The following AFAP1 variants were observed in gnomAD, a reference collection of about 807,000 sequenced individuals.
AFAP1 encodes actin filament associated protein 1, also known as actin filament-associated protein 1.
In AFAP1, 75 loss-of-function variants were observed where a neutral mutation model predicts 93.9. The ratio of observed to expected loss-of-function variants is 0.80; its 90% CI spans 0.66 to 0.97. The LOEUF is 0.97. Among genes scored for constraint, AFAP1 ranks in the 50% least tolerant of loss-of-function variants. AFAP1 has a pLI of 0.00. For missense variants in AFAP1, 1,201 were observed against 1,050.8 expected (o/e 1.14, Z -1.98); for synonymous variants, 517 against 430.7 (o/e 1.20, Z -2.48).
At chr4:7,890,493 C>T (rs1718405506) in intron 1 of AFAP1, among the ~76,000 whole-genome samples, 1 of 151,982 alleles carries the variant, frequency 6.6e-6, no homozygotes, top group Admixed American at 6.5e-5. Context: ...AGCAGAAGTA[C>T]TAATATATAA....
At chr4:7,933,683 T>A (rs1470383460) in intron 1 of AFAP1, among the ~76,000 whole-genome samples, 1 of 152,236 alleles carries the variant, frequency 6.6e-6, no homozygotes, top group African/African-American at 2.4e-5. Flanking sequence ...AGTCCTGAGC[T>A]GATGGGACCA....
chr4:7,826,045 G>T (rs927680841), intron 6 of AFAP1, among the ~76,000 whole-genome samples: 1 of 151,992 alleles, frequency 6.6e-6, no homozygotes, highest in Non-Finnish European at 1.5e-5. Context: ...AAAAGTGAAG[G>T]CTCCTTTGCA....
chr4:7,936,824 G>A (rs1161116322), intron 1 of AFAP1, among the ~76,000 whole-genome samples: 1 of 151,964 alleles, frequency 6.6e-6, no homozygotes, highest in Admixed American at 6.6e-5. Context: ...CTCGTGATCT[G>A]CCTGCCTCGG....
intron 1 of AFAP1, among the ~76,000 whole-genome samples, chr4:7,884,600 T>C (rs1394325314): frequency 6.6e-6 from 1 of 152,128 alleles, no homozygotes; most frequent in East Asian, 1.9e-4. Flanking sequence ...ATTGTCACCT[T>C]AATAACTGGG....
chr4:7,847,037 T>C (rs184767992), intron 4 of AFAP1, among the ~76,000 whole-genome samples: 95 of 152,350 alleles, frequency 6.2e-4, no homozygotes, highest in African/African-American at 1.9e-3. Context: ...CTTGCCTTCT[T>C]CTAAGAGTGT....
intron 1 of AFAP1, among the ~76,000 whole-genome samples, chr4:7,919,431 T>C (rs915006097): frequency 2.6e-5 from 4 of 152,174 alleles, no homozygotes; most frequent in Admixed American, 2.0e-4. Flanking sequence ...TTTATATGGC[T>C]GAATGGAACC....
chr4:7,825,374 C>T (rs1157899547), intron 6 of AFAP1, among the ~76,000 whole-genome samples: 1 of 152,120 alleles, frequency 6.6e-6, no homozygotes, highest in Non-Finnish European at 1.5e-5. Flanking sequence ...GTCACCAAGA[C>T]GTGGCCTTTA....
chr4:7,811,286 T>A (rs1298528981), intron 8 of AFAP1, among the ~76,000 whole-genome samples: 2 of 152,032 alleles, frequency 1.3e-5, no homozygotes, highest in East Asian at 3.9e-4. Context: ...CTTCAGAAGG[T>A]GATGAGAGTC....
At chr4:7,845,746 C>T (rs1406445837) in intron 4 of AFAP1, among the ~76,000 whole-genome samples, 1 of 152,160 alleles carries the variant, frequency 6.6e-6, no homozygotes, top group Non-Finnish European at 1.5e-5. Context: ...TCACCAAGCA[C>T]CCCCTGCTTC....
At chr4:7,868,109 T>A (rs761962196) in intron 3 of AFAP1, among the ~76,000 whole-genome samples, 9 of 151,642 alleles carry the variant, frequency 5.9e-5, no homozygotes, top group Non-Finnish European at 1.3e-4. Flanking sequence ...AACAACAAAT[T>A]TGAATTTGAA....
rs982460401 is a variant in AFAP1 at position 7,878,455 on chromosome 4, G to A, written c.-2-6375C>T. The stretch of plus-strand genomic sequence containing the variant: ...TTCACCATCCACCTTTCCACTGCCC[G>A]ACACAGGCTCTATCCTTCTATCAGG... On this transcript the variant is annotated intron_variant, in intron 1 of 17. Coordinates refer to ENST00000420658, the MANE Select transcript of AFAP1 (RefSeq NM_001134647.2). Among the ~76,000 whole-genome samples the A allele has an allele frequency of 2.6e-5, 4 of 152,246 alleles. No homozygotes were observed. The South Asian group carries it at 6.2e-4, about 24-fold the overall frequency.
At chr4:7,806,130 C>A (rs1478833963) in intron 9 of AFAP1, among the ~76,000 whole-genome samples, 1 of 152,132 alleles carries the variant, frequency 6.6e-6, no homozygotes, top group Non-Finnish European at 1.5e-5. Context: ...GGGGCCTTTG[C>A]GCATGTCTCA....
At chr4:7,767,133 T>C (rs1714714308) in intron 17 of AFAP1, among the ~76,000 whole-genome samples, 1 of 152,188 alleles carries the variant, frequency 6.6e-6, no homozygotes, top group African/African-American at 2.4e-5. Context: ...GTCCGTCCCC[T>C]TCTGATTTCT....
chr4:7,920,488 G>A (rs1720380007), intron 1 of AFAP1, among the ~76,000 whole-genome samples: 1 of 152,226 alleles, frequency 6.6e-6, no homozygotes. Flanking sequence ...GGCCTTATGG[G>A]CAGTTTTTAA....
At chr4:7,837,176 G>A (rs894977368) in intron 6 of AFAP1, among the ~76,000 whole-genome samples, 3 of 152,168 alleles carry the variant, frequency 2.0e-5, no homozygotes, top group Non-Finnish European at 4.4e-5. Context: ...CTAGATACAA[G>A]CCAAAATGAA....
intron 2 of AFAP1, 111 bp from the exon 3 acceptor site, chr4:7,868,830 T>C (rs1274220800): frequency 1.1e-6 from 1 of 929,278 alleles, no homozygotes; most frequent in African/African-American, 1.7e-5. Context: ...AAATATTTAT[T>C]TTCTCTAATC....
chr4:7,866,169 T>A (rs1187576918), intron 3 of AFAP1, among the ~76,000 whole-genome samples: 1 of 151,952 alleles, frequency 6.6e-6, no homozygotes, highest in Non-Finnish European at 1.5e-5. Context: ...AGTGCTGGGA[T>A]TACAAGTGTG....
Position 7,758,812 on chromosome 4 carries a change from G to A in AFAP1, c.*4953C>T, listed in dbSNP as rs186654141. ...AGTAGAAAATTCAACCAGGAAAGCA[G>A]GAAATTCAGTGAAGCTACTACAAAG... On this transcript the variant is annotated 3_prime_UTR_variant, in exon 18 of 18. Transcript: ENST00000420658. 6.6e-6 allele frequency: 1 copy of A among 152,322 alleles called. No homozygotes were observed. The highest frequency in any genetic ancestry group is 1.9e-4 in the East Asian group (1 of 5,190). The allele number at this position is 152,322 out of a possible 1,614,324, so 9.4% of individuals were successfully genotyped here.
At chr4:7,891,179 A>G (rs1718448191) in intron 1 of AFAP1, among the ~76,000 whole-genome samples, 1 of 152,108 alleles carries the variant, frequency 6.6e-6, no homozygotes, top group African/African-American at 2.4e-5. Flanking sequence ...CCCAAAAGGC[A>G]TGCTATCTGA....
Sources: allele counts gnomAD v4.1 joint callset (sites outside exome capture counted in the v4.1 genomes callset), GRCh38; gene constraint gnomAD v4.1.1; transcripts MANE v1.5; gene names NCBI Gene and HGNC (gene_info 2026-07-23, HGNC 2026-07-21).